The following TTC29 variants were observed in gnomAD, a reference collection of about 807,000 sequenced individuals.
The protein encoded by TTC29 is tetratricopeptide repeat protein 29.
TTC29 carries 49 observed loss-of-function variants against 58.1 expected under a neutral mutation model. The ratio of observed to expected loss-of-function variants is 0.84; its 90% CI spans 0.67 to 1.07. TTC29 has a LOEUF of 1.07. Among genes scored for constraint, TTC29 ranks in the 50% least tolerant of loss-of-function variants. The pLI is 0.00. For missense variants in TTC29, 582 were observed against 555.6 expected, an observed-to-expected ratio of 1.05 and a Z score of -0.48; for synonymous variants, 209 against 196.8, an observed-to-expected ratio of 1.06 and a Z score of -0.52.
chr4:146,775,352 T>C (rs1353060774), intron 11 of TTC29, among the ~76,000 whole-genome samples: 1 of 152,142 alleles, frequency 6.6e-6, no homozygotes, highest in African/African-American at 2.4e-5. Context: ...CAATAGTCTA[T>C]GTATTAAGTG....
At chr4:146,718,335 A>G (rs1397261870) in intron 11 of TTC29, among the ~76,000 whole-genome samples, 2 of 152,220 alleles carry the variant, frequency 1.3e-5, no homozygotes, top group South Asian at 4.1e-4. Flanking sequence ...AGTCCCACCA[A>G]TAGTGCACAA....
intron 5 of TTC29, among the ~76,000 whole-genome samples, chr4:146,908,249 T>A (rs1203242056): frequency 1.3e-5 from 2 of 152,144 alleles, no homozygotes; most frequent in Non-Finnish European, 2.9e-5. Context: ...CCCCAAAAAA[T>A]TTGGAGAAAA....
intron 6 of TTC29, among the ~76,000 whole-genome samples, chr4:146,882,161 A>G (rs987765217): frequency 6.6e-6 from 1 of 152,124 alleles, no homozygotes; most frequent in African/African-American, 2.4e-5. Flanking sequence ...TCTCCAAAAT[A>G]TTCCGGAGGA....
chr4:146,945,091 A>G lies in TTC29; in HGVS notation c.-53-14T>C, dbSNP rs1038777787. On this transcript the variant is annotated splice_polypyrimidine_tract_variant and intron_variant, in intron 1 of 12. Coordinates refer to ENST00000325106, the MANE Select transcript of TTC29 (RefSeq NM_031956.4). The stretch of plus-strand genomic sequence containing the variant: ...ATAGACTTCAGCCTGAAAATCAGGA[A>G]GCAAAGAATAATAGCAAAGAAGAAA... The G allele has an allele frequency of 6.6e-6, 1 of 152,228 alleles. No homozygotes were observed. The highest frequency in any genetic ancestry group is 1.5e-5 in the Non-Finnish European group (1 of 68,030). The allele number at this position is 152,228 out of a possible 1,614,324, so 9.4% of individuals were successfully genotyped here.
At chr4:146,889,943 T>C (rs556977044) in intron 6 of TTC29, among the ~76,000 whole-genome samples, 73 of 152,312 alleles carry the variant, frequency 4.8e-4, no homozygotes, top group African/African-American at 1.7e-3. Flanking sequence ...AATTGTTTTT[T>C]ATGTGTAGAG....
chr4:146,844,300 T>G (rs1216848875), intron 8 of TTC29, among the ~76,000 whole-genome samples: 1 of 152,196 alleles, frequency 6.6e-6, no homozygotes, highest in African/African-American at 2.4e-5. Context: ...AATAAAAGTT[T>G]TCCTCAATAG....
intron 11 of TTC29, among the ~76,000 whole-genome samples, chr4:146,787,061 G>A (rs1296266427): frequency 6.6e-6 from 1 of 152,096 alleles, no homozygotes; most frequent in Non-Finnish European, 1.5e-5. Flanking sequence ...TAAATTTAAA[G>A]TCACAGAACT....
At chr4:146,861,880 G>T (rs902570839) in intron 8 of TTC29, among the ~76,000 whole-genome samples, 4 of 152,084 alleles carry the variant, frequency 2.6e-5, no homozygotes, top group African/African-American at 9.7e-5. Context: ...AAGACACTGA[G>T]AATTTGAAAA....
intron 11 of TTC29, among the ~76,000 whole-genome samples, chr4:146,752,650 T>A (rs2150050053): frequency 6.6e-6 from 1 of 152,094 alleles, no homozygotes; most frequent in South Asian, 2.1e-4. Flanking sequence ...GACTTCAAAC[T>A]ATACTACAAG....
intron 11 of TTC29, among the ~76,000 whole-genome samples, chr4:146,755,400 T>C (rs1746364812): frequency 6.6e-6 from 1 of 152,192 alleles, no homozygotes; most frequent in Non-Finnish European, 1.5e-5. Flanking sequence ...GCACAAAATA[T>C]TCTGAATAGC....
chr4:146,903,984 T>C (rs978748855), intron 5 of TTC29, among the ~76,000 whole-genome samples: 4 of 152,188 alleles, frequency 2.6e-5, no homozygotes, highest in Non-Finnish European at 5.9e-5. Flanking sequence ...TGACACTATC[T>C]GGTTGAAACA....
intron 10 of TTC29, among the ~76,000 whole-genome samples, chr4:146,810,650 G>A: frequency 7.1e-6 from 1 of 141,046 alleles, no homozygotes; most frequent in Non-Finnish European, 1.5e-5. Flanking sequence ...GGAGTGCAGT[G>A]GCATGATTTC....
intron 8 of TTC29, among the ~76,000 whole-genome samples, chr4:146,838,134 A>G (rs1011088839): frequency 6.6e-6 from 1 of 152,034 alleles, no homozygotes; most frequent in African/African-American, 2.4e-5. Flanking sequence ...CTTCTTACCA[A>G]AATGAAATAG....
chr4:146,709,428 C>T (rs1451623871), intron 11 of TTC29, among the ~76,000 whole-genome samples: 1 of 151,982 alleles, frequency 6.6e-6, no homozygotes, highest in African/African-American at 2.4e-5. Flanking sequence ...GTCTCTTCTT[C>T]CTTCCTTATA....
chr4:146,918,733 T>C (rs1214838381), intron 4 of TTC29, among the ~76,000 whole-genome samples: 1 of 151,102 alleles, frequency 6.6e-6, no homozygotes, highest in Non-Finnish European at 1.5e-5. Flanking sequence ...GTGATTCCCA[T>C]TTAATCAAAT....
chr4:146,892,800 A>G (rs2150251245), intron 6 of TTC29, among the ~76,000 whole-genome samples: 1 of 152,346 alleles, frequency 6.6e-6, no homozygotes, highest in East Asian at 1.9e-4. Flanking sequence ...GTCTCAGCCC[A>G]AAATCTCCTT....
At chr4:146,866,752 CA>C (rs1730587526) in intron 8 of TTC29, among the ~76,000 whole-genome samples, 1 of 151,848 alleles carries the variant, frequency 6.6e-6, no homozygotes, top group South Asian at 2.1e-4. Context: ...TTCTACTTAG[CA>C]AAAAATATCT....
chr4:146,751,476 C>T (rs1030148606), intron 11 of TTC29, among the ~76,000 whole-genome samples: 2 of 152,104 alleles, frequency 1.3e-5, no homozygotes, highest in African/African-American at 2.4e-5. Context: ...AACAAGTTAA[C>T]AAATTTTAGA....
chr4:146,859,448 T>C (rs1730083674), intron 8 of TTC29, among the ~76,000 whole-genome samples: 1 of 152,102 alleles, frequency 6.6e-6, no homozygotes, highest in South Asian at 2.1e-4. Flanking sequence ...TGTAAGAAAA[T>C]CTAAAAAATG....
Sources: allele counts gnomAD v4.1 joint callset (sites outside exome capture counted in the v4.1 genomes callset), GRCh38; gene constraint gnomAD v4.1.1; transcripts MANE v1.5; gene names NCBI Gene and HGNC (gene_info 2026-07-23, HGNC 2026-07-21).